AKAP7: variants seen among roughly 807,000 people sequenced by gnomAD.
AKAP7 encodes A kinase (PRKA) anchor protein 7.
A neutral mutation model predicts 39.5 loss-of-function variants in AKAP7; 39 were observed. That is an observed-to-expected ratio of 0.99 (90% confidence interval 0.76 to 1.29). AKAP7 has a LOEUF of 1.29. Ranked by LOEUF, AKAP7 falls within the 50% of genes most tolerant of loss-of-function variation. The pLI is 0.00. For synonymous variants in AKAP7, 140 were observed against 139.1 expected (o/e 1.01, Z -0.05); for missense variants, 414 against 407.7 (o/e 1.02, Z -0.13).
intron 2 of AKAP7, among the ~76,000 whole-genome samples, chr6:131,148,382 G>A (rs1801642380): frequency 6.6e-6 from 1 of 152,098 alleles, no homozygotes; most frequent in Admixed American, 6.6e-5. Flanking sequence ...GCAGCGTGGT[G>A]CAAAGGGAAA....
At chr6:131,193,816 G>T (rs1168880541) in intron 5 of AKAP7, among the ~76,000 whole-genome samples, 1 of 151,980 alleles carries the variant, frequency 6.6e-6, no homozygotes, top group Non-Finnish European at 1.5e-5. Flanking sequence ...GTGTCCCCTA[G>T]ATTTTCCAAT....
the AKAP7 span, among the ~76,000 whole-genome samples, chr6:131,129,280 C>G: frequency 1.6e-5 from 1 of 63,666 alleles, no homozygotes; most frequent in East Asian, 4.0e-4. Context: ...GAGCAAGACT[C>G]TGTCAAAAAA....
intron 7 of AKAP7, among the ~76,000 whole-genome samples, chr6:131,254,049 T>G (rs1256535957): frequency 6.6e-6 from 1 of 152,188 alleles, no homozygotes; most frequent in Non-Finnish European, 1.5e-5. Flanking sequence ...ACAGCAGAGC[T>G]TGTCATGGTT....
intron 7 of AKAP7, among the ~76,000 whole-genome samples, chr6:131,243,533 G>T (rs1028416104): frequency 1.3e-5 from 2 of 152,074 alleles, no homozygotes; most frequent in African/African-American, 4.8e-5. Context: ...TTTAATTGAG[G>T]ATTCACTTTC....
intron 5 of AKAP7, among the ~76,000 whole-genome samples, chr6:131,193,378 G>T (rs1282631204): frequency 6.6e-6 from 1 of 152,028 alleles, no homozygotes; most frequent in Non-Finnish European, 1.5e-5. Flanking sequence ...GTATCACATT[G>T]ATTTATTTGT....
intron 1 of AKAP7, among the ~76,000 whole-genome samples, chr6:131,139,286 T>A (rs919797832): frequency 1.3e-5 from 2 of 152,212 alleles, no homozygotes; most frequent in Non-Finnish European, 1.5e-5. Flanking sequence ...AGTTAATAAT[T>A]CCTATCTCAA....
intron 7 of AKAP7, among the ~76,000 whole-genome samples, chr6:131,235,177 G>A (rs565919270): frequency 1.8e-4 from 27 of 152,128 alleles, no homozygotes; most frequent in African/African-American, 5.5e-4. Flanking sequence ...TTGTCCTTGC[G>A]ATAGTTTGCT....
the AKAP7 span, among the ~76,000 whole-genome samples, chr6:131,129,260 C>T: frequency 7.3e-6 from 1 of 136,772 alleles, no homozygotes; most frequent in African/African-American, 2.7e-5. Flanking sequence ...GCACTCTAGC[C>T]TGGGTGACAG....
chr6:131,191,354 A>G (rs541764076), intron 5 of AKAP7, among the ~76,000 whole-genome samples: 3 of 152,328 alleles, frequency 2.0e-5, no homozygotes, highest in South Asian at 2.1e-4. Flanking sequence ...AGTTGAGAAA[A>G]GAGAAGTTTT....
At chr6:131,171,269 C>G (rs1804017239) in intron 5 of AKAP7, among the ~76,000 whole-genome samples, 1 of 152,054 alleles carries the variant, frequency 6.6e-6, no homozygotes, top group African/African-American at 2.4e-5. Flanking sequence ...ATTTTTGTAG[C>G]TAGAGGCAGA....
chr6:131,162,638 G>A (rs1881573), intron 3 of AKAP7, among the ~76,000 whole-genome samples: 36,605 of 152,008 alleles, frequency 0.24, 5,454 homozygotes, highest in East Asian at 0.74. Flanking sequence ...AGGTTTTGTC[G>A]TTGTTCGTCT....
intron 7 of AKAP7, among the ~76,000 whole-genome samples, chr6:131,255,732 C>T (rs1328408179): frequency 1.3e-5 from 2 of 152,154 alleles, no homozygotes; most frequent in African/African-American, 4.8e-5. Context: ...GCTTCAGTTC[C>T]TCAGATTTAA....
At chr6:131,152,856 C>T (rs1325034124) in intron 2 of AKAP7, among the ~76,000 whole-genome samples, 1 of 135,360 alleles carries the variant, frequency 7.4e-6, no homozygotes, top group Non-Finnish European at 1.6e-5. Flanking sequence ...AGTCCGGGCG[C>T]GCTGGCTCAC....
chr6:131,183,449 A>G (rs1421055680), intron 5 of AKAP7, among the ~76,000 whole-genome samples: 1 of 152,150 alleles, frequency 6.6e-6, no homozygotes, highest in African/African-American at 2.4e-5. Context: ...CAGGAAGAAC[A>G]AAAAGGGGAT....
intron 7 of AKAP7, among the ~76,000 whole-genome samples, chr6:131,235,130 T>C (rs1810937656): frequency 6.6e-6 from 1 of 152,160 alleles, no homozygotes; most frequent in African/African-American, 2.4e-5. Flanking sequence ...ATTGTTCAAT[T>C]CCCACCTATG....
At chr6:131,130,080 G>C in the AKAP7 span, among the ~76,000 whole-genome samples, 1 of 152,158 alleles carries the variant, frequency 6.6e-6, no homozygotes, top group Non-Finnish European at 1.5e-5. Context: ...AGTCAGAAAT[G>C]GGTCATGTTT....
intron 6 of AKAP7, among the ~76,000 whole-genome samples, chr6:131,216,854 A>G (rs908853860): frequency 6.6e-6 from 1 of 152,220 alleles, no homozygotes; most frequent in African/African-American, 2.4e-5. Flanking sequence ...CCTTCTAAGG[A>G]CTAGACCATC....
At chr6:131,251,185 A>G (rs1812418976) in intron 7 of AKAP7, among the ~76,000 whole-genome samples, 1 of 152,218 alleles carries the variant, frequency 6.6e-6, no homozygotes, top group Non-Finnish European at 1.5e-5. Flanking sequence ...AACCTGCCTA[A>G]ATGAATGTTG....
chr6:131,135,910 C>A, intron 1 of AKAP7, 128 bp downstream of exon 1: 1 of 1,053,126 alleles, frequency 9.5e-7, no homozygotes, highest in Non-Finnish European at 1.2e-6. Context: ...CCCTCCTTCC[C>A]AAAAGGACTC....
Sources: gnomAD v4.1 joint callset for allele counts (sites outside exome capture counted in the v4.1 genomes callset) on GRCh38, gnomAD v4.1.1 for gene constraint, MANE v1.5 for transcripts, NCBI Gene and HGNC (gene_info 2026-07-23, HGNC 2026-07-21) for gene names.